C3orf20: variants seen among roughly 807,000 people sequenced by gnomAD.
The protein encoded by C3orf20 is family with sequence similarity 149 member C, also known as uncharacterized protein C3orf20.
Under a neutral mutation model 88.3 loss-of-function variants are expected in C3orf20, and 76 were observed. The observed-to-expected ratio is 0.86, with a 90% CI of 0.72 to 1.04. The LOEUF is 1.04. Ranked by LOEUF, C3orf20 falls within the 50% of genes least tolerant of loss-of-function variation. The probability of loss-of-function intolerance (pLI) is 0.00; values close to 1 mark genes in which losing one functional copy is unlikely to be tolerated. For synonymous variants in C3orf20, 436 were observed against 437.4 expected (o/e 1.00, Z 0.04); for missense variants, 1,056 against 1,123.3 (o/e 0.94, Z 0.86).
intron 5 of C3orf20, among the ~76,000 whole-genome samples, chr3:14,702,622 G>A (rs898838321): frequency 2.0e-5 from 3 of 151,920 alleles, no homozygotes; most frequent in African/African-American, 7.3e-5. Flanking sequence ...TGTATTTTTT[G>A]TAGAGACGGG....
At chr3:14,769,087 A>G (rs1359355727) in intron 15 of C3orf20, among the ~76,000 whole-genome samples, 1 of 152,108 alleles carries the variant, frequency 6.6e-6, no homozygotes, top group African/African-American at 2.4e-5. Context: ...AGAGCCAGAC[A>G]CAGGAGGTGC....
intron 5 of C3orf20, among the ~76,000 whole-genome samples, chr3:14,691,309 G>T (rs182598425): frequency 1.3e-5 from 2 of 152,166 alleles, no homozygotes; most frequent in Non-Finnish European, 2.9e-5. Flanking sequence ...TTGCATGTGC[G>T]CCTGGCTTAG....
intron 13 of C3orf20, among the ~76,000 whole-genome samples, chr3:14,759,362 G>A (rs927090553): frequency 6.6e-6 from 1 of 152,120 alleles, no homozygotes; most frequent in Non-Finnish European, 1.5e-5. Flanking sequence ...AGGGGAGAGA[G>A]GCCAGCTTTC....
intron 15 of C3orf20, among the ~76,000 whole-genome samples, chr3:14,765,986 G>A (rs2035691306): frequency 6.6e-6 from 1 of 152,244 alleles, no homozygotes; most frequent in South Asian, 2.1e-4. Context: ...GAGCAGAAGG[G>A]TGAGGGCCTG....
chr3:14,721,570 C>G, intron 9 of C3orf20, 83 bp from the exon 10 acceptor site: 1 of 1,556,064 alleles, frequency 6.4e-7, no homozygotes, highest in Admixed American at 1.8e-5. Context: ...CCAACAGGGG[C>G]TTTGTGCTTC....
At chr3:14,678,727 T>C (rs1452619229) in intron 1 of C3orf20, among the ~76,000 whole-genome samples, 1 of 152,206 alleles carries the variant, frequency 6.6e-6, no homozygotes, top group Non-Finnish European at 1.5e-5. Flanking sequence ...GCTACAGATA[T>C]TTTTCCGTTT....
chr3:14,722,847 CA>C (rs1268535088), intron 10 of C3orf20, among the ~76,000 whole-genome samples: 1 of 152,168 alleles, frequency 6.6e-6, no homozygotes, highest in East Asian at 1.9e-4. Context: ...AAGTCAACAT[CA>C]GGGAGACAGG....
chr3:14,727,675 C>T (rs1446314017), intron 11 of C3orf20, among the ~76,000 whole-genome samples: 5 of 152,180 alleles, frequency 3.3e-5, no homozygotes, highest in African/African-American at 4.8e-5. Flanking sequence ...CCAGAGATGT[C>T]GATTGCCCCT....
At chr3:14,675,732 C>T (rs966353718) in intron 1 of C3orf20, among the ~76,000 whole-genome samples, 13 of 151,948 alleles carry the variant, frequency 8.6e-5, no homozygotes, top group African/African-American at 2.7e-4. Context: ...GATGGAGTCC[C>T]GCTCTGCTGC....
chr3:14,720,533 GGTTGTTGTTGTTGTTGTTGTTGTTGTT>G (rs199995038), intron 9 of C3orf20, among the ~76,000 whole-genome samples: 2 of 149,128 alleles, frequency 1.3e-5, no homozygotes, highest in Non-Finnish European at 3.0e-5. Flanking sequence ...AGCAGAGAGT[GGTTGTTGTTGTTGTTGTTGTTGTTGTT>G]GTTGTTGTTG....
chr3:14,720,288 C>T (rs1338833170), intron 9 of C3orf20, among the ~76,000 whole-genome samples: 1 of 152,158 alleles, frequency 6.6e-6, no homozygotes, highest in Non-Finnish European at 1.5e-5. Flanking sequence ...CCTTGGCCTC[C>T]CAAAATGCTG....
chr3:14,754,094 T>C (rs1372953565), intron 12 of C3orf20, among the ~76,000 whole-genome samples: 1 of 152,216 alleles, frequency 6.6e-6, no homozygotes, highest in East Asian at 1.9e-4. Context: ...TTCCCTGGTA[T>C]GCATGTGAGC....
At chr3:14,685,493 CGTGT>C (rs1233005428) in intron 4 of C3orf20, among the ~76,000 whole-genome samples, 5 of 130,476 alleles carry the variant, frequency 3.8e-5, no homozygotes, top group African/African-American at 5.8e-5. Context: ...TGCGTGCGTG[CGTGT>C]GTGTGTGTGT....
At chr3:14,707,243 C>T (rs1325160856) in intron 7 of C3orf20, among the ~76,000 whole-genome samples, 15 of 92,066 alleles carry the variant, frequency 1.6e-4, no homozygotes, top group East Asian at 5.2e-4. Context: ...AGCAAGACTC[C>T]GTCTCAAAAA....
rs144794300 is a variant in C3orf20 at position 14,717,758 on chromosome 3, C to T, written c.1434+2349C>T. ...TTGGCTTTCTTGAAGTGCATATCTT[C>T]TGGCAATGTATTCTTCTGGCAATGT... On this transcript the variant is annotated intron_variant, in intron 9 of 16. Transcript: ENST00000253697. 3.4e-4 allele frequency among the ~76,000 whole-genome samples: 52 copies of T among 152,114 alleles called. 1 individual carries two copies. The highest frequency in any genetic ancestry group is 3.1e-3 in the South Asian group (15 of 4,810).
chr3:14,769,198 A>G (rs1363711160), intron 15 of C3orf20, among the ~76,000 whole-genome samples: 1 of 151,988 alleles, frequency 6.6e-6, no homozygotes, highest in Non-Finnish European at 1.5e-5. Context: ...GGGACGGTGG[A>G]GGAAATCTCA....
At chr3:14,684,197 C>A (rs1344887665) in intron 3 of C3orf20, 45 bp from the exon 4 acceptor site, 2 of 1,606,990 alleles carry the variant, frequency 1.2e-6, no homozygotes, top group South Asian at 1.1e-5. Context: ...GAAGCATTAG[C>A]CCCATGCTAG....
chr3:14,685,519 T>TG (rs1190044837), intron 4 of C3orf20, among the ~76,000 whole-genome samples: 1 of 151,152 alleles, frequency 6.6e-6, no homozygotes, highest in Non-Finnish European at 1.5e-5. Context: ...TGTATGTGTG[T>TG]TAAGAACACA....
chr3:14,702,332 A>G (rs921815441), intron 5 of C3orf20, among the ~76,000 whole-genome samples: 7 of 152,256 alleles, frequency 4.6e-5, no homozygotes, highest in Non-Finnish European at 8.8e-5. Context: ...CCCTCCCACA[A>G]CAAATGGGAA....
Sources: allele counts gnomAD v4.1 joint callset (sites outside exome capture counted in the v4.1 genomes callset), GRCh38; gene constraint gnomAD v4.1.1; transcripts MANE v1.5; gene names NCBI Gene and HGNC (gene_info 2026-07-23, HGNC 2026-07-21).